NT5DC1: variants seen among roughly 807,000 people sequenced by gnomAD.
NT5DC1 encodes 5'-nucleotidase domain-containing protein 1.
In NT5DC1, 42 loss-of-function variants were observed where a neutral mutation model predicts 59.4. The observed-to-expected ratio is 0.71, with a 90% CI of 0.55 to 0.92. NT5DC1 has a LOEUF of 0.92. Among genes scored for constraint, NT5DC1 ranks in the 40% least tolerant of loss-of-function variants. The pLI, the probability that NT5DC1 is intolerant of heterozygous loss-of-function variation, is 0.00. For synonymous variants in NT5DC1, 172 were observed against 188.1 expected, an observed-to-expected ratio of 0.91 and a Z score of 0.70; for missense variants, 501 against 537.1, an observed-to-expected ratio of 0.93 and a Z score of 0.66.
At chr6:116,218,510 C>A (rs1451029585) in intron 6 of NT5DC1, among the ~76,000 whole-genome samples, 1 of 152,138 alleles carries the variant, frequency 6.6e-6, no homozygotes, top group African/African-American at 2.4e-5. Flanking sequence ...GACACAGCCT[C>A]TGAAATTAGC....
intron 6 of NT5DC1, among the ~76,000 whole-genome samples, chr6:116,164,426 C>G (rs1185159874): frequency 6.6e-6 from 1 of 152,066 alleles, no homozygotes; most frequent in Non-Finnish European, 1.5e-5. Context: ...TTTTGTTCCC[C>G]ATTTGCATGA....
intron 6 of NT5DC1, among the ~76,000 whole-genome samples, chr6:116,208,011 A>G (rs1174803784): frequency 6.6e-6 from 1 of 151,958 alleles, no homozygotes; most frequent in African/African-American, 2.4e-5. Context: ...GAAGAAACAC[A>G]GTGAAAGTTC....
At chr6:116,103,087 C>T (rs1181025175) in intron 1 of NT5DC1, among the ~76,000 whole-genome samples, 3 of 152,158 alleles carry the variant, frequency 2.0e-5, no homozygotes, top group Non-Finnish European at 4.4e-5. Flanking sequence ...TTCCTGTTTA[C>T]TTGTTGGACT....
intron 6 of NT5DC1, among the ~76,000 whole-genome samples, chr6:116,176,770 C>T (rs1372717708): frequency 1.3e-5 from 2 of 152,122 alleles, no homozygotes; most frequent in Non-Finnish European, 2.9e-5. Flanking sequence ...GCAGGTAGCA[C>T]CGAAGCACTG....
intron 6 of NT5DC1, among the ~76,000 whole-genome samples, chr6:116,122,120 A>C (rs1457732755): frequency 6.6e-6 from 1 of 152,194 alleles, no homozygotes; most frequent in East Asian, 1.9e-4. Flanking sequence ...TATATGTTTT[A>C]TACTGTTTTA....
intron 3 of NT5DC1, among the ~76,000 whole-genome samples, chr6:116,109,240 C>G (rs1778818655): frequency 6.6e-6 from 1 of 152,208 alleles, no homozygotes; most frequent in African/African-American, 2.4e-5. Context: ...TCTTTTGTTG[C>G]ATCATTCTTT....
At chr6:116,202,168 A>C (rs1781362473) in intron 6 of NT5DC1, among the ~76,000 whole-genome samples, 1 of 152,002 alleles carries the variant, frequency 6.6e-6, no homozygotes, top group Admixed American at 6.6e-5. Flanking sequence ...GCACCAGTCT[A>C]GACAGTGTAG....
intron 6 of NT5DC1, among the ~76,000 whole-genome samples, chr6:116,129,608 C>T (rs940818352): frequency 7.2e-5 from 11 of 152,186 alleles, no homozygotes; most frequent in African/African-American, 2.2e-4. Flanking sequence ...AGCATGAACG[C>T]TCTCTCCAGA....
intron 6 of NT5DC1, among the ~76,000 whole-genome samples, chr6:116,152,476 A>T (rs1442861549): frequency 6.6e-6 from 1 of 152,012 alleles, no homozygotes; most frequent in Non-Finnish European, 1.5e-5. Flanking sequence ...TATTATGGTG[A>T]TTATCTACCC....
chr6:116,120,050 AT>A, intron 6 of NT5DC1: 13 of 1,506,706 alleles, frequency 8.6e-6, no homozygotes, highest in Non-Finnish European at 1.1e-5. Context: ...CTAGCACAAG[AT>A]TTAGATTAGC....
intron 6 of NT5DC1, among the ~76,000 whole-genome samples, chr6:116,178,112 T>TGCGCGCGCGCGC (rs1158823446): frequency 1.1e-5 from 1 of 90,782 alleles, no homozygotes; most frequent in African/African-American, 4.5e-5. Flanking sequence ...CGTGCGTGCG[T>TGCGCGCGCGCGC]GTGTGTGTGT....
chr6:116,220,064 C>T (rs1434815650), intron 6 of NT5DC1, among the ~76,000 whole-genome samples: 6 of 147,438 alleles, frequency 4.1e-5, no homozygotes, highest in Non-Finnish European at 5.9e-5. Context: ...GAGAGAGTCA[C>T]GGATGTATCC....
rs536611767 is a variant in NT5DC1, at chr6:116,110,485, G to T, written c.258-365G>T. Among the ~76,000 whole-genome samples the T allele has an allele frequency of 2.0e-5, 3 of 152,236 alleles. No individual in the cohort carries two copies. The South Asian group carries it at 6.2e-4, about 32-fold the overall frequency. Reference sequence around the variant, plus strand: ...TCTGGTACCTACTGCTCTTTCTCCAGTGCTGCCAGAACCAGCTTCCCACTA... The same window carrying T: ...TCTGGTACCTACTGCTCTTTCTCCATTGCTGCCAGAACCAGCTTCCCACTA... On this transcript the variant is annotated intron_variant, in intron 3 of 11. Transcript: ENST00000319550.
chr6:116,241,927 AAAAAAAAAAAACAAAAC>A lies in NT5DC1; in HGVS notation c.1253-1970_1253-1954del, dbSNP rs1370791512. Among the ~76,000 whole-genome samples the A allele has an allele frequency of 8.5e-5, 3 of 35,170 alleles. No individual in the cohort carries two copies. The African/African-American group carries it at 8.9e-4, about 10-fold the overall frequency. 23.1% of individuals were successfully genotyped at this position (35,170 alleles called of 152,430 possible). A position where few individuals can be genotyped will look rare whatever the true frequency, so the allele number is the denominator to read the frequency against. On this transcript the variant is annotated intron_variant, in intron 11 of 11. Transcript: ENST00000319550. Reference sequence around the variant, plus strand: ...GACAGAGCAAGACTCCGTCTCAAAAAAAAAAAAAAAACAAAACAAAAAAAAAAAAAAACAAAGAATCA... The same window carrying A: ...GACAGAGCAAGACTCCGTCTCAAAAAAAAAAAAAAAAAAAACAAAGAATCA...
At chr6:116,221,769 A>G (rs1315464649) in intron 7 of NT5DC1, among the ~76,000 whole-genome samples, 2 of 152,200 alleles carry the variant, frequency 1.3e-5, no homozygotes, top group South Asian at 2.1e-4. Context: ...GGCAGGTTTT[A>G]TAACCTCTTT....
chr6:116,214,451 T>C (rs1222824047), intron 6 of NT5DC1, among the ~76,000 whole-genome samples: 1 of 152,120 alleles, frequency 6.6e-6, no homozygotes, highest in African/African-American at 2.4e-5. Flanking sequence ...GTGAGGACCA[T>C]GTTCTGCTAG....
Position 116,243,963 on chromosome 6 carries a change from CT to C in NT5DC1, c.1308del (p.Gly437AlafsTer16). ...TTCTCTTCAAGCAATTCAAAAACAG[CT>C]GGCTACTATCCAAATCCTCCACTGG... ...TRFSSSNSKT[A>X]GYYPNPPLVL... On this transcript the variant is annotated frameshift_variant, in exon 12 of 12. Transcript: ENST00000319550. LOFTEE classifies it high-confidence loss of function. 1 of 1,584,046 alleles carries C rather than the reference CT, an allele frequency of 6.3e-7. No individual in the cohort carries two copies. The highest frequency in any genetic ancestry group is 8.6e-7 in the Non-Finnish European group (1 of 1,156,200).
chr6:116,181,682 G>C (rs936426768), intron 6 of NT5DC1, among the ~76,000 whole-genome samples: 1 of 151,824 alleles, frequency 6.6e-6, no homozygotes, highest in Non-Finnish European at 1.5e-5. Context: ...CAAGTACCTA[G>C]GGATAAATTA....
intron 6 of NT5DC1, among the ~76,000 whole-genome samples, chr6:116,143,166 A>G (rs1779807683): frequency 6.6e-6 from 1 of 152,148 alleles, no homozygotes; most frequent in African/African-American, 2.4e-5. Context: ...TTTTAGAAAC[A>G]TAGATAATAT....
Sources: allele counts gnomAD v4.1 joint callset (sites outside exome capture counted in the v4.1 genomes callset), GRCh38; gene constraint gnomAD v4.1.1; transcripts MANE v1.5; gene names NCBI Gene and HGNC (gene_info 2026-07-23, HGNC 2026-07-21).